Variants in C8orf34 observed in about 807,000 individuals in gnomAD.
C8orf34 encodes the protein uncharacterized protein C8orf34.
In C8orf34, 65 loss-of-function variants were observed where a neutral mutation model predicts 68.3. The observed-to-expected ratio is 0.95, with a 90% CI of 0.78 to 1.17. The LOEUF is 1.17. Ranked by LOEUF, C8orf34 falls within the 50% of genes most tolerant of loss-of-function variation. The pLI, the probability that C8orf34 is intolerant of heterozygous loss-of-function variation, is 0.00. For missense variants in C8orf34, 664 were observed against 655.4 expected, an observed-to-expected ratio of 1.01 and a Z score of -0.14; for synonymous variants, 244 against 241.2, an observed-to-expected ratio of 1.01 and a Z score of -0.11.
chr8:68,537,567 G>T (rs1293333384), intron 7 of C8orf34, among the ~76,000 whole-genome samples: 1 of 148,042 alleles, frequency 6.8e-6, no homozygotes, highest in East Asian at 1.9e-4. Context: ...CTTGAAAAAT[G>T]AACTGCTTAG....
At chr8:68,623,691 C>T (rs1818452446) in intron 7 of C8orf34, among the ~76,000 whole-genome samples, 1 of 151,898 alleles carries the variant, frequency 6.6e-6, no homozygotes, top group Non-Finnish European at 1.5e-5. Context: ...GATGAAGGCC[C>T]TCTTCTGGGT....
chr8:68,735,997 G>T (rs752559411), intron 10 of C8orf34, among the ~76,000 whole-genome samples: 1 of 152,102 alleles, frequency 6.6e-6, no homozygotes, highest in African/African-American at 2.4e-5. Context: ...ACTGTTGACT[G>T]GTTTCCTGCT....
In C8orf34 at chr8:68,735,191, C is replaced by T. The variant is rs543084232; in HGVS notation, c.1404+13754C>T. On this transcript the variant is annotated intron_variant, in intron 10 of 13. Transcript: ENST00000518698. ...TAATGGGATTCAAATAATCACTTTCCCACTAGTTTCTGGAGGCCAGGGAGT... is the reference window on the plus strand; with the variant it reads ...TAATGGGATTCAAATAATCACTTTCTCACTAGTTTCTGGAGGCCAGGGAGT... 1.4e-4 allele frequency among the ~76,000 whole-genome samples: 22 copies of T among 152,146 alleles called. No homozygotes were observed. The South Asian group carries it at 2.1e-3, about 14-fold the overall frequency.
chr8:68,344,573 T>A (rs904944890), intron 1 of C8orf34, among the ~76,000 whole-genome samples: 2 of 152,180 alleles, frequency 1.3e-5, no homozygotes, highest in African/African-American at 4.8e-5. Context: ...ATGGGATTTC[T>A]TTATATTATT....
chr8:68,633,005 G>A (rs1317562037), intron 7 of C8orf34, among the ~76,000 whole-genome samples: 1 of 152,160 alleles, frequency 6.6e-6, no homozygotes, highest in Non-Finnish European at 1.5e-5. Flanking sequence ...GAAAACTGCA[G>A]GAAATGGCTT....
At chr8:68,719,647 A>T (rs1312808867) in intron 9 of C8orf34, among the ~76,000 whole-genome samples, 1 of 151,934 alleles carries the variant, frequency 6.6e-6, no homozygotes, top group Non-Finnish European at 1.5e-5. Context: ...AATCAAGCAG[A>T]ATGACATCTA....
chr8:68,622,013 C>G (rs916865161), intron 7 of C8orf34, among the ~76,000 whole-genome samples: 3 of 152,166 alleles, frequency 2.0e-5, no homozygotes, highest in African/African-American at 7.2e-5. Context: ...CTCATGAGGT[C>G]TCTTTTGAAA....
intron 10 of C8orf34, among the ~76,000 whole-genome samples, chr8:68,749,948 C>A (rs1563647526): frequency 6.6e-6 from 1 of 152,068 alleles, no homozygotes; most frequent in Non-Finnish European, 1.5e-5. Context: ...TTATGCAAAT[C>A]TTTCTGTGGA....
chr8:68,332,491 C>G (rs915944007), intron 1 of C8orf34, among the ~76,000 whole-genome samples: 1 of 141,964 alleles, frequency 7.0e-6, no homozygotes, highest in Non-Finnish European at 1.6e-5. Context: ...CTGAGAGAGG[C>G]AGAATCGCGG....
intron 8 of C8orf34, among the ~76,000 whole-genome samples, chr8:68,656,077 G>A (rs1369516742): frequency 6.6e-6 from 1 of 152,174 alleles, no homozygotes; most frequent in Non-Finnish European, 1.5e-5. Flanking sequence ...CCTGTGCTTG[G>A]TGATGCTGCT....
intron 7 of C8orf34, among the ~76,000 whole-genome samples, chr8:68,577,784 A>T (rs1441998059): frequency 6.6e-6 from 1 of 151,970 alleles, no homozygotes; most frequent in East Asian, 1.9e-4. Flanking sequence ...TAAACGTGGT[A>T]TACAATATGT....
chr8:68,380,166 T>A (rs1465893425), intron 1 of C8orf34, among the ~76,000 whole-genome samples: 3 of 152,208 alleles, frequency 2.0e-5, no homozygotes, highest in African/African-American at 2.4e-5. Context: ...CCAGCCTTCT[T>A]GTTGCATGTT....
At chr8:68,332,661 C>T (rs960889917) in intron 1 of C8orf34, among the ~76,000 whole-genome samples, 1 of 152,080 alleles carries the variant, frequency 6.6e-6, no homozygotes, top group African/African-American at 2.4e-5. Context: ...TTTGGGAGGA[C>T]GGGTTTCACA....
chr8:68,548,229 AG>A (rs1815951393), intron 7 of C8orf34, among the ~76,000 whole-genome samples: 2 of 151,932 alleles, frequency 1.3e-5, no homozygotes, highest in South Asian at 4.1e-4. Flanking sequence ...AAAAATAAAA[AG>A]AAAAATTGTA....
intron 3 of C8orf34, among the ~76,000 whole-genome samples, chr8:68,456,985 C>G (rs1811581416): frequency 6.6e-6 from 1 of 152,142 alleles, no homozygotes; most frequent in African/African-American, 2.4e-5. Flanking sequence ...TATCAATATT[C>G]TGTGCATGAT....
Position 68,599,003 on chromosome 8 carries a change from A to T in C8orf34, c.1106-41373A>T, listed in dbSNP as rs374767831. ...GAGAATAGAAAATGACAATATGGTGAGATTTAAGTGGAATTCTAGTAGAAA... is the reference window on the plus strand; with the variant it reads ...GAGAATAGAAAATGACAATATGGTGTGATTTAAGTGGAATTCTAGTAGAAA... On this transcript the variant is annotated intron_variant, in intron 7 of 13. Coordinates refer to ENST00000518698, the MANE Select transcript of C8orf34 (RefSeq NM_052958.4). 2.0e-5 allele frequency among the ~76,000 whole-genome samples: 3 copies of T among 152,188 alleles called. No homozygotes were observed. In the East Asian group the frequency reaches 5.8e-4, roughly 29 times the overall value.
chr8:68,687,394 G>A lies in C8orf34; in HGVS notation c.1242-21600G>A, dbSNP rs1585730237. On this transcript the variant is annotated intron_variant, in intron 8 of 13. Coordinates refer to ENST00000518698, the MANE Select transcript of C8orf34 (RefSeq NM_052958.4). ...AAGGCTATAGCTCCCAAAATAGCACGATACTGGTATAAAAATAGGATCTTA... is the reference window on the plus strand; with the variant it reads ...AAGGCTATAGCTCCCAAAATAGCACAATACTGGTATAAAAATAGGATCTTA... 2.6e-5 allele frequency among the ~76,000 whole-genome samples: 4 copies of A among 152,128 alleles called. No homozygotes were observed. In the South Asian group the frequency reaches 6.2e-4, roughly 24 times the overall value.
At chr8:68,333,107 T>G (rs1805701189) in intron 1 of C8orf34, among the ~76,000 whole-genome samples, 1 of 152,328 alleles carries the variant, frequency 6.6e-6, no homozygotes, top group East Asian at 1.9e-4. Context: ...ATTTGTTATC[T>G]TAAAATCCCC....
intron 2 of C8orf34, among the ~76,000 whole-genome samples, chr8:68,445,801 G>A (rs1811095849): frequency 6.6e-6 from 1 of 152,088 alleles, no homozygotes; most frequent in Non-Finnish European, 1.5e-5. Flanking sequence ...TTAATTTCCT[G>A]TTTTTTCTTT....
Sources: gnomAD v4.1 joint callset for allele counts (sites outside exome capture counted in the v4.1 genomes callset) on GRCh38, gnomAD v4.1.1 for gene constraint, MANE v1.5 for transcripts, NCBI Gene and HGNC (gene_info 2026-07-23, HGNC 2026-07-21) for gene names.